Variants in PLD5 observed in about 807,000 individuals in gnomAD.
The protein encoded by PLD5 is phospholipase D family member 5, also known as inactive phospholipase D5.
PLD5 carries 36 observed loss-of-function variants against 61.1 expected under a neutral mutation model. The observed-to-expected ratio is 0.59, with a 90% CI of 0.45 to 0.78. PLD5 has a LOEUF of 0.78. Ranked by LOEUF, PLD5 falls within the 30% of genes least tolerant of loss-of-function variation. PLD5 has a pLI of 0.00. For synonymous variants in PLD5, 243 were observed against 242.8 expected (o/e 1.00, Z -0.01); for missense variants, 515 against 644.4 (o/e 0.80, Z 2.17).
At chr1:242,326,443 G>T (rs1237001953) in intron 2 of PLD5, among the ~76,000 whole-genome samples, 3 of 152,104 alleles carry the variant, frequency 2.0e-5, no homozygotes, top group Non-Finnish European at 2.9e-5. Context: ...GTCCCTGTTT[G>T]TACGTGGATA....
chr1:242,177,503 G>A (rs780927947), intron 5 of PLD5, among the ~76,000 whole-genome samples: 5 of 152,016 alleles, frequency 3.3e-5, no homozygotes, highest in Non-Finnish European at 5.9e-5. Flanking sequence ...ACCATGGCAC[G>A]TGTGTACCTA....
At chr1:242,525,750 G>A (rs184661537), upstream of PLD5, among the ~76,000 whole-genome samples, 6 of 152,244 alleles carry the variant, frequency 3.9e-5, no homozygotes, top group Admixed American at 1.3e-4. Context: ...CTTGAATGAC[G>A]GTTTCAAAGA....
intron 4 of PLD5, among the ~76,000 whole-genome samples, chr1:242,264,617 C>T (rs1673551454): frequency 6.6e-6 from 1 of 152,170 alleles, no homozygotes; most frequent in Admixed American, 6.5e-5. Context: ...TCACTGAGGT[C>T]AGTGCCCTGT....
chr1:242,210,909 G>A lies in PLD5; in HGVS notation c.735+9079C>T, dbSNP rs536177545. The A allele has an allele frequency of 5.3e-5, 8 of 152,328 alleles. No individual in the cohort carries two copies. In the South Asian group the frequency reaches 1.0e-3, roughly 20 times the overall value. The allele number at this position is 152,328 out of a possible 1,614,324, so 9.4% of individuals were successfully genotyped here. ...TGTAAGCCAAAGTCTAACTCAGAGC[G>A]AGGCCCTTACCCTCTTATACTCTGT... On this transcript the variant is annotated intron_variant, in intron 5 of 9. Transcript: ENST00000536534.
intron 1 of PLD5, among the ~76,000 whole-genome samples, chr1:242,419,863 T>G (rs1302802579): frequency 6.6e-6 from 1 of 152,186 alleles, no homozygotes; most frequent in East Asian, 1.9e-4. Flanking sequence ...CACCACTGTA[T>G]GAGACTTGAA....
At chr1:242,463,875 A>G (rs1667196673) in intron 1 of PLD5, among the ~76,000 whole-genome samples, 3 of 151,886 alleles carry the variant, frequency 2.0e-5, no homozygotes, top group Admixed American at 2.0e-4. Flanking sequence ...AAGGCCTTCC[A>G]TTCTCCCCAT....
At position 242,451,191 on chromosome 1, in the gene PLD5, G is replaced by A. The variant is rs529143717; in HGVS notation, c.189+72897C>T. Among the ~76,000 whole-genome samples the A allele has an allele frequency of 2.0e-4, 30 of 152,160 alleles. 1 individual carries two copies. In the South Asian group the frequency reaches 3.9e-3, roughly 20 times the overall value. On this transcript the variant is annotated intron_variant, in intron 1 of 9. Coordinates refer to ENST00000536534, the MANE Select transcript of PLD5 (RefSeq NM_001372062.1). The stretch of plus-strand genomic sequence containing the variant: ...ATCTGTGCACAAGAAATCCCCTACC[G>A]CAGCATCAATGAAGCGTCTCCCTTT...
At chr1:242,329,351 G>C (rs1659030405) in intron 2 of PLD5, among the ~76,000 whole-genome samples, 3 of 152,086 alleles carry the variant, frequency 2.0e-5, no homozygotes, top group Non-Finnish European at 4.4e-5. Flanking sequence ...TTATGTGAAG[G>C]TGAGTCCTGA....
intron 2 of PLD5, among the ~76,000 whole-genome samples, chr1:242,323,707 C>T (rs189204729): frequency 6.2e-4 from 94 of 152,268 alleles, no homozygotes; most frequent in African/African-American, 2.2e-3. Flanking sequence ...TCTTACTCAG[C>T]AGGAAAGCAC....
chr1:242,476,384 AC>A (rs1297389762), intron 1 of PLD5, among the ~76,000 whole-genome samples: 1 of 151,082 alleles, frequency 6.6e-6, no homozygotes, highest in African/African-American at 2.4e-5. Flanking sequence ...AAAAAAGAAA[AC>A]CCCCCCAAAT....
intron 1 of PLD5, among the ~76,000 whole-genome samples, chr1:242,361,451 C>T (rs949649542): frequency 3.9e-5 from 6 of 152,226 alleles, no homozygotes; most frequent in African/African-American, 1.2e-4. Context: ...AAATCCTTAA[C>T]AGGTATAATT....
intron 1 of PLD5, among the ~76,000 whole-genome samples, chr1:242,396,668 C>CTTTCTTTT (rs1479365427): frequency 3.1e-4 from 39 of 125,120 alleles, no homozygotes; most frequent in East Asian, 1.1e-3. Context: ...TCTTTCTTTT[C>CTTTCTTTT]TTTTCTTTTT....
At chr1:242,277,166 C>T (rs535063938) in intron 3 of PLD5, among the ~76,000 whole-genome samples, 4 of 152,280 alleles carry the variant, frequency 2.6e-5, no homozygotes, top group African/African-American at 9.6e-5. Context: ...TGGAAGAGCA[C>T]AGCATCCACA....
chr1:242,299,326 C>G (rs1189726505), intron 2 of PLD5, among the ~76,000 whole-genome samples: 2 of 152,124 alleles, frequency 1.3e-5, no homozygotes, highest in Admixed American at 1.3e-4. Context: ...TACAATTAAG[C>G]TATTATTAAC....
intron 5 of PLD5, among the ~76,000 whole-genome samples, chr1:242,216,645 A>G (rs933203700): frequency 1.3e-5 from 2 of 152,224 alleles, no homozygotes; most frequent in Non-Finnish European, 2.9e-5. Flanking sequence ...GTTCAGGGCC[A>G]CGACTCTTTA....
chr1:242,512,221 C>T (rs1034573260), intron 1 of PLD5, among the ~76,000 whole-genome samples: 6 of 150,052 alleles, frequency 4.0e-5, no homozygotes, highest in Non-Finnish European at 8.9e-5. Context: ...ACCATCCTGG[C>T]TAACACGGTG....
At chr1:242,230,613 T>C (rs1295977164) in intron 4 of PLD5, among the ~76,000 whole-genome samples, 1 of 152,204 alleles carries the variant, frequency 6.6e-6, no homozygotes, top group African/African-American at 2.4e-5. Context: ...CGGGGAAACA[T>C]GAAAGGGTGA....
At chr1:242,112,606 T>G (rs1381967362) in intron 7 of PLD5, among the ~76,000 whole-genome samples, 2 of 152,200 alleles carry the variant, frequency 1.3e-5, no homozygotes, top group African/African-American at 4.8e-5. Flanking sequence ...GATCATTTTC[T>G]GGGGGAAGGA....
At chr1:242,390,522 C>T (rs545322970) in intron 1 of PLD5, among the ~76,000 whole-genome samples, 1 of 152,076 alleles carries the variant, frequency 6.6e-6, no homozygotes, top group Non-Finnish European at 1.5e-5. Flanking sequence ...CCGAAAAGTA[C>T]CATTTCTTTG....
Sources: allele counts gnomAD v4.1 joint callset (sites outside exome capture counted in the v4.1 genomes callset), GRCh38; gene constraint gnomAD v4.1.1; transcripts MANE v1.5; gene names NCBI Gene and HGNC (gene_info 2026-07-23, HGNC 2026-07-21).